Variants in PARD3B observed in about 807,000 individuals in gnomAD.
PARD3B encodes the protein par-3 family cell polarity regulator beta.
In PARD3B, 103 loss-of-function variants were observed where a neutral mutation model predicts 130.2. The ratio of observed to expected loss-of-function variants is 0.79; its 90% confidence interval spans 0.67 to 0.93. The LOEUF is 0.93. Among genes scored for constraint, PARD3B ranks in the 40% least tolerant of loss-of-function variants. The pLI is 0.00. For missense variants in PARD3B, 1,609 were observed against 1,499.2 expected (o/e 1.07, Z -1.21); for synonymous variants, 583 against 553.2 (o/e 1.05, Z -0.76).
chr2:204,777,370 G>A (rs2041663710), intron 2 of PARD3B, among the ~76,000 whole-genome samples: 1 of 152,132 alleles, frequency 6.6e-6, no homozygotes, highest in East Asian at 1.9e-4. Flanking sequence ...GTGTATGTTG[G>A]GGCTGTGGGG....
intron 18 of PARD3B, among the ~76,000 whole-genome samples, chr2:205,386,100 C>T (rs372337007): frequency 5.3e-5 from 8 of 152,092 alleles, no homozygotes; most frequent in Middle Eastern, 3.2e-3. Flanking sequence ...TGCAATTCTG[C>T]GATATTACAA....
At position 205,447,970 on chromosome 2, in the gene PARD3B, A is replaced by G. The variant is rs142370235; in HGVS notation, c.3044+7298A>G. 2.0e-3 allele frequency among the ~76,000 whole-genome samples: 301 copies of G among 152,324 alleles called. 4 individuals are homozygous for G. The highest frequency in any genetic ancestry group is 7.1e-4 in the Non-Finnish European group (48 of 68,026). ...CTCATTAACAGCCTTTTAGGTATTT[A>G]AAGTGACTGCTATGACCACCTTCAC... is the stretch of plus-strand genomic sequence containing the variant. On this transcript the variant is annotated intron_variant, in intron 20 of 22. Coordinates refer to ENST00000406610, the MANE Select transcript of PARD3B (RefSeq NM_001302769.2).
chr2:205,581,299 G>GATAGAT (rs1559238331), intron 22 of PARD3B, among the ~76,000 whole-genome samples: 65 of 103,312 alleles, frequency 6.3e-4, no homozygotes, highest in African/African-American at 2.1e-3. Context: ...GATAGATATA[G>GATAGAT]ATAGATAGAT....
intron 2 of PARD3B, among the ~76,000 whole-genome samples, chr2:204,745,729 A>G (rs945797266): frequency 6.6e-6 from 1 of 151,982 alleles, no homozygotes; most frequent in Non-Finnish European, 1.5e-5. Flanking sequence ...TTACACCCAG[A>G]AGGTTGAGCC....
At chr2:205,524,295 T>C (rs1179891822) in intron 21 of PARD3B, among the ~76,000 whole-genome samples, 3 of 152,150 alleles carry the variant, frequency 2.0e-5, no homozygotes, top group Non-Finnish European at 4.4e-5. Flanking sequence ...TCTCCTTGAT[T>C]CTCATCACCT....
At chr2:204,638,711 A>G (rs955096065) in intron 1 of PARD3B, among the ~76,000 whole-genome samples, 2 of 152,134 alleles carry the variant, frequency 1.3e-5, no homozygotes, top group Admixed American at 1.3e-4. Context: ...TCAAATGACT[A>G]TGCATTAATT....
At chr2:204,692,358 C>T (rs536996761) in intron 2 of PARD3B, among the ~76,000 whole-genome samples, 1 of 152,134 alleles carries the variant, frequency 6.6e-6, no homozygotes. Flanking sequence ...TAAATTTAGA[C>T]TTCTTCCCGC....
intron 15 of PARD3B, among the ~76,000 whole-genome samples, chr2:205,203,992 G>A (rs2037140044): frequency 1.3e-5 from 2 of 152,104 alleles, no homozygotes; most frequent in South Asian, 4.1e-4. Flanking sequence ...TGGGTCAAAT[G>A]GTATTTCTGG....
intron 18 of PARD3B, among the ~76,000 whole-genome samples, chr2:205,331,433 G>A (rs2043124834): frequency 1.3e-5 from 2 of 152,006 alleles, no homozygotes; most frequent in Admixed American, 6.6e-5. Context: ...CTGGGCTAGG[G>A]TGGAGGTGTG....
chr2:205,099,496 G>A (rs1702606643), intron 4 of PARD3B, among the ~76,000 whole-genome samples: 1 of 152,160 alleles, frequency 6.6e-6, no homozygotes, highest in African/African-American at 2.4e-5. Context: ...TTTTAGACAT[G>A]TGCAATTTCA....
Position 204,653,992 on chromosome 2 carries a change from A to G in PARD3B, c.121-32189A>G, listed in dbSNP as rs113686859. 9.2e-3 allele frequency among the ~76,000 whole-genome samples: 1,392 copies of G among 151,148 alleles called. 113 individuals carry two copies. Among genetic ancestry groups the G allele is most frequent in the African/African-American group, 0.033 (1,316 of 40,476 alleles). ...CATAAATAATTTTGCATGCAATCAT[A>G]TGAGAGTCTCCAGTTTAAAAACTTC... On this transcript the variant is annotated intron_variant, in intron 1 of 22. Transcript: ENST00000406610.
chr2:204,774,997 T>C (rs949032457), intron 2 of PARD3B, among the ~76,000 whole-genome samples: 1 of 152,154 alleles, frequency 6.6e-6, no homozygotes, highest in Non-Finnish European at 1.5e-5. Context: ...GTTCTCTATA[T>C]GTCTAAAAAT....
chr2:205,415,638 T>C (rs2046748362), intron 19 of PARD3B, among the ~76,000 whole-genome samples: 1 of 152,182 alleles, frequency 6.6e-6, no homozygotes, highest in Admixed American at 6.5e-5. Flanking sequence ...GCAATCCTCA[T>C]TGATCAATTT....
chr2:204,930,857 C>G (rs960561210), intron 2 of PARD3B, among the ~76,000 whole-genome samples: 1 of 152,066 alleles, frequency 6.6e-6, no homozygotes, highest in Admixed American at 6.6e-5. Flanking sequence ...GCTTGTCTTA[C>G]GTCTGGTTTC....
At chr2:204,898,977 T>C (rs1412449653) in intron 2 of PARD3B, among the ~76,000 whole-genome samples, 8 of 152,178 alleles carry the variant, frequency 5.3e-5, no homozygotes, top group Non-Finnish European at 1.0e-4. Context: ...TGAACTATCT[T>C]TTTCCATCCC....
At chr2:204,631,292 C>T (rs1349882414) in intron 1 of PARD3B, among the ~76,000 whole-genome samples, 3 of 150,992 alleles carry the variant, frequency 2.0e-5, no homozygotes, top group African/African-American at 7.3e-5. Context: ...GCTCTGTCAC[C>T]AGGCTGCAGT....
intron 2 of PARD3B, among the ~76,000 whole-genome samples, chr2:204,807,435 G>A (rs1245039300): frequency 6.6e-6 from 1 of 152,062 alleles, no homozygotes; most frequent in African/African-American, 2.4e-5. Flanking sequence ...AACACTAGGA[G>A]GTTCCTCAAA....
intron 15 of PARD3B, among the ~76,000 whole-genome samples, chr2:205,224,667 A>G (rs1183797298): frequency 1.3e-5 from 2 of 151,800 alleles, no homozygotes; most frequent in Non-Finnish European, 2.9e-5. Context: ...AAGTGAGAAC[A>G]TTCAAAGTTT....
At chr2:205,059,821 G>A (rs560812462) in intron 4 of PARD3B, among the ~76,000 whole-genome samples, 2 of 152,000 alleles carry the variant, frequency 1.3e-5, no homozygotes, top group Admixed American at 6.6e-5. Context: ...TTCTGCTAGC[G>A]AGTAGCCACG....
Sources: allele counts gnomAD v4.1 joint callset (sites outside exome capture counted in the v4.1 genomes callset), GRCh38; gene constraint gnomAD v4.1.1; transcripts MANE v1.5; gene names NCBI Gene and HGNC (gene_info 2026-07-23, HGNC 2026-07-21).